Variants in SRGAP3 observed in about 807,000 individuals in gnomAD.
SRGAP3 encodes the protein SLIT-ROBO Rho GTPase-activating protein 3.
In SRGAP3, 39 loss-of-function variants were observed where a neutral mutation model predicts 121.1. The ratio of observed to expected loss-of-function variants is 0.32; its 90% CI spans 0.25 to 0.42. The LOEUF is 0.42. SRGAP3 is among the 10% of genes least tolerant of loss of function. The pLI is 1.00. For missense variants in SRGAP3, 1,213 were observed against 1,470.6 expected (o/e 0.82, Z 2.86); for synonymous variants, 601 against 570.0 (o/e 1.05, Z -0.77).
intron 3 of SRGAP3, among the ~76,000 whole-genome samples, chr3:9,298,000 G>T (rs1191319784): frequency 6.6e-6 from 1 of 152,132 alleles, no homozygotes; most frequent in African/African-American, 2.4e-5. Flanking sequence ...ACACGCCAAG[G>T]AGATAAGCCT....
chr3:9,313,544 A>T (rs1160130294), intron 3 of SRGAP3, among the ~76,000 whole-genome samples: 3 of 150,502 alleles, frequency 2.0e-5, no homozygotes, highest in Non-Finnish European at 4.4e-5. Flanking sequence ...ACAAAAAATC[A>T]GCCACACCTG....
At chr3:8,995,050 A>G (rs1006281273) in intron 18 of SRGAP3, among the ~76,000 whole-genome samples, 1 of 152,152 alleles carries the variant, frequency 6.6e-6, no homozygotes, top group Non-Finnish European at 1.5e-5. Flanking sequence ...TCTGCCTCAA[A>G]TCTATATGTT....
At chr3:9,257,297 G>C (rs1441618658) in intron 3 of SRGAP3, 1 of 152,636 alleles carries the variant, frequency 6.6e-6, no homozygotes, top group African/African-American at 2.4e-5. Flanking sequence ...TGAGGATGGG[G>C]CCCTTATGAT....
In SRGAP3 at chr3:8,985,430, G is replaced by C; in HGVS notation, c.*89C>G. 1 of 1,574,516 alleles carries C rather than the reference G, an allele frequency of 6.4e-7. No homozygotes were observed. The highest frequency in any genetic ancestry group is 8.6e-7 in the Non-Finnish European group (1 of 1,167,590). On this transcript the variant is annotated 3_prime_UTR_variant, in exon 22 of 22. Coordinates refer to ENST00000383836, the MANE Select transcript of SRGAP3 (RefSeq NM_014850.4). The surrounding 1 kb of genome is among the most constrained non-coding windows in gnomAD (Gnocchi z 5.1). ...ACGGACCTCTGCCCTCCAAGGCCAGGGTCACTGGGAAGCACGTGGAAGCCA... is the reference window on the plus strand; with the variant it reads ...ACGGACCTCTGCCCTCCAAGGCCAGCGTCACTGGGAAGCACGTGGAAGCCA...
chr3:8,987,426 A>AT (rs572233283), intron 21 of SRGAP3, among the ~76,000 whole-genome samples: 228 of 152,262 alleles, frequency 1.5e-3, no homozygotes, highest in African/African-American at 4.7e-3. Context: ...TCCTAAAAAA[A>AT]ATAAATAAAA....
In SRGAP3 at chr3:8,985,107, T is replaced by TAC. The variant is rs1016818299; in HGVS notation, c.*410_*411dup. The TAC allele has an allele frequency of 2.3e-5, 6 of 262,352 alleles. No individual in the cohort carries two copies. Among genetic ancestry groups the TAC allele is most frequent in the African/African-American group, 6.6e-5 (3 of 45,370 alleles). 16.3% of individuals were successfully genotyped at this position (262,352 alleles called of 1,614,324 possible). On this transcript the variant is annotated 3_prime_UTR_variant, in exon 22 of 22. Transcript: ENST00000383836. The surrounding 1 kb of genome is among the most constrained non-coding windows in gnomAD (Gnocchi z 5.1). ...ATAGATGCATAAATATATATATATA[T>TAC]ACACACACCTACAGACACGTACATA...
rs765085232 is a variant in SRGAP3, at chr3:9,259,646, C to T, written n.442+66364G>A. 9.5e-4 allele frequency among the ~76,000 whole-genome samples: 145 copies of T among 152,262 alleles called. 2 individuals carry two copies. The highest frequency in any genetic ancestry group is 1.1e-3 in the Non-Finnish European group (75 of 68,018). On this transcript the variant is annotated intron_variant and non_coding_transcript_variant, in intron 3 of 3. Transcript: ENST00000490889. The stretch of plus-strand genomic sequence containing the variant: ...TTCACTTAATGACTATTTCTGGACT[C>T]TCCACACCCCACCTCCACTAGACCA...
intron 1 of SRGAP3, among the ~76,000 whole-genome samples, chr3:9,192,318 T>C (rs1951776951): frequency 6.6e-6 from 1 of 152,226 alleles, no homozygotes; most frequent in Admixed American, 6.5e-5. Flanking sequence ...GTGTAATTCA[T>C]GATAAAGGCC....
intron 3 of SRGAP3, among the ~76,000 whole-genome samples, chr3:9,281,354 G>A (rs144395537): frequency 4.9e-4 from 75 of 152,184 alleles, no homozygotes; most frequent in African/African-American, 1.6e-3. Flanking sequence ...TTTACAGATC[G>A]GAAAACAGAC....
intron 4 of SRGAP3, among the ~76,000 whole-genome samples, chr3:9,071,837 T>C (rs1036703682): frequency 6.6e-6 from 1 of 152,142 alleles, no homozygotes. Context: ...TATTTATTTA[T>C]GTGTCAGGTA....
chr3:9,290,498 C>T (rs151204573), intron 3 of SRGAP3, among the ~76,000 whole-genome samples: 68 of 152,232 alleles, frequency 4.5e-4, no homozygotes, highest in African/African-American at 1.5e-3. Context: ...ATTTGACATT[C>T]GAACCTTATC....
chr3:9,063,034 C>T, intron 5 of SRGAP3, among the ~76,000 whole-genome samples: 1 of 151,752 alleles, frequency 6.6e-6, no homozygotes, highest in East Asian at 1.9e-4. Flanking sequence ...CTATAGTCTG[C>T]CTTTTTAATT....
chr3:9,123,659 C>G (rs1949105244), intron 2 of SRGAP3, among the ~76,000 whole-genome samples: 1 of 151,566 alleles, frequency 6.6e-6, no homozygotes, highest in Middle Eastern at 3.4e-3. Flanking sequence ...GAGCTGAGAT[C>G]ATGCCACTGC....
intron 3 of SRGAP3, among the ~76,000 whole-genome samples, chr3:9,316,523 G>A (rs1955349322): frequency 6.6e-6 from 1 of 152,098 alleles, no homozygotes; most frequent in Admixed American, 6.5e-5. Flanking sequence ...GCTGGGCATG[G>A]TGGCGCATGC....
chr3:9,354,493 C>T (rs13070469), intron 1 of SRGAP3, among the ~76,000 whole-genome samples: 12,854 of 151,982 alleles, frequency 0.085, 699 homozygotes, highest in Admixed American at 0.16. Flanking sequence ...TCCTGGCTAA[C>T]ACGGTGAAAC....
rs145434905 is a variant in SRGAP3, at chr3:9,068,811, G to A, written c.487-4230C>T. Among the ~76,000 whole-genome samples, 13 of 152,222 alleles carry A rather than the reference G, an allele frequency of 8.5e-5. No individual in the cohort carries two copies. The East Asian group carries it at 2.5e-3, about 29-fold the overall frequency. On this transcript the variant is annotated intron_variant, in intron 4 of 21. Transcript: ENST00000383836. ...AAACCTCCTTCCAGGAGCCCTTCTA[G>A]TAAAGGAGCATTTCAATGAGTCCTT...
At chr3:8,990,477 T>C (rs1212342525) in intron 21 of SRGAP3, 35 bp downstream of exon 21, 3 of 1,549,310 alleles carry the variant, frequency 1.9e-6, no homozygotes, top group Non-Finnish European at 2.6e-6. Context: ...TCTGGGGCTT[T>C]TGGCTGCCCA....
At chr3:9,242,075 T>C (rs2125237979) in intron 1 of SRGAP3, among the ~76,000 whole-genome samples, 1 of 100,736 alleles carries the variant, frequency 9.9e-6, no homozygotes, top group Non-Finnish European at 1.9e-5. Flanking sequence ...GACACCCTAA[T>C]TCAAAAAAAA....
intron 3 of SRGAP3, among the ~76,000 whole-genome samples, chr3:9,307,793 GA>G (rs1238904044): frequency 6.6e-6 from 1 of 152,190 alleles, no homozygotes; most frequent in Non-Finnish European, 1.5e-5. Flanking sequence ...GCAAAAGTTA[GA>G]AACAACCCAT....
Sources: gnomAD v4.1 joint callset for allele counts (sites outside exome capture counted in the v4.1 genomes callset) on GRCh38, gnomAD v4.1.1 for gene constraint, Gnocchi (gnomAD v3.1) non-coding constraint, MANE v1.5 for transcripts, NCBI Gene and HGNC (gene_info 2026-07-23, HGNC 2026-07-21) for gene names.